RIT2: variants seen among roughly 807,000 people sequenced by gnomAD.
RIT2 encodes the protein GTP-binding protein Rit2.
Under a neutral mutation model 23.7 loss-of-function variants are expected in RIT2, and 24 were observed. That is an observed-to-expected ratio of 1.01 (90% CI 0.73 to 1.43). The LOEUF is 1.43. Ranked by LOEUF, RIT2 falls within the 40% of genes most tolerant of loss-of-function variation. RIT2 has a pLI of 0.00. For synonymous variants in RIT2, 107 were observed against 91.1 expected (o/e 1.17, Z -0.99); for missense variants, 236 against 266.9 (o/e 0.88, Z 0.81).
intron 4 of RIT2, among the ~76,000 whole-genome samples, chr18:42,884,414 C>T (rs1235701370): frequency 6.6e-6 from 1 of 152,148 alleles, no homozygotes; most frequent in African/African-American, 2.4e-5. Flanking sequence ...ACACATAACC[C>T]TAAAATAAGC....
chr18:42,910,979 A>G (rs2144118779), intron 4 of RIT2, among the ~76,000 whole-genome samples: 1 of 152,288 alleles, frequency 6.6e-6, no homozygotes, highest in Admixed American at 6.5e-5. Context: ...CATCTACAGC[A>G]GAATACATAT....
chr18:43,041,330 T>A (rs1397507810), intron 1 of RIT2, among the ~76,000 whole-genome samples: 16 of 152,140 alleles, frequency 1.1e-4, no homozygotes, highest in African/African-American at 3.9e-4. Context: ...CAATAGCCCT[T>A]TGCTTTAACT....
At chr18:43,026,516 T>G (rs1231777702) in intron 2 of RIT2, among the ~76,000 whole-genome samples, 1 of 146,064 alleles carries the variant, frequency 6.8e-6, no homozygotes, top group Non-Finnish European at 1.5e-5. Flanking sequence ...ATCACACCAT[T>G]GCACTCCAGC....
At chr18:42,837,137 C>CTTTT (rs1182682879) in intron 4 of RIT2, among the ~76,000 whole-genome samples, 2 of 38,952 alleles carry the variant, frequency 5.1e-5, no homozygotes, top group African/African-American at 7.3e-5. Context: ...ATAAAAATTT[C>CTTTT]TTTTTTTTTC....
In RIT2 at chr18:43,033,820, G is replaced by A; in HGVS notation, c.151C>T (p.Pro51Ser). The A allele has an allele frequency of 6.2e-7, 1 of 1,607,030 alleles. No individual in the cohort carries two copies. Among genetic ancestry groups the A allele is most frequent in the Non-Finnish European group, 8.5e-7 (1 of 1,174,234 alleles). The change falls in exon 2 of 5, where the codon CCT (proline) becomes TCT (serine). Residue 51 changes from proline (P) to serine (S), a missense_variant. By Grantham distance (74) the Pro-to-Ser change is moderately conservative. Transcript: ENST00000326695. ...ISHQFPDYHD[P>S]TIEDAYKTQV... The stretch of plus-strand genomic sequence containing the variant: ...GGAAGCTTCCACTTACCTATAGTAG[G>A]GTCATGATAATCAGGGAACTGATGA...
intron 4 of RIT2, among the ~76,000 whole-genome samples, chr18:42,846,836 A>G (rs1906922528): frequency 6.6e-6 from 1 of 152,156 alleles, no homozygotes; most frequent in Non-Finnish European, 1.5e-5. Flanking sequence ...TTCAATTTTA[A>G]TGTTAAAACT....
At chr18:43,010,666 G>A (rs943761934) in intron 2 of RIT2, among the ~76,000 whole-genome samples, 17 of 151,816 alleles carry the variant, frequency 1.1e-4, no homozygotes, top group African/African-American at 4.1e-4. Flanking sequence ...TAGTCATCAG[G>A]CATCTTGGTT....
At chr18:43,042,675 G>A (rs1316581181) in intron 1 of RIT2, among the ~76,000 whole-genome samples, 3 of 152,166 alleles carry the variant, frequency 2.0e-5, no homozygotes, top group Non-Finnish European at 4.4e-5. Flanking sequence ...TGTGTCAGAC[G>A]CTGTTTAGAT....
chr18:42,982,816 T>C (rs553300914), intron 2 of RIT2, among the ~76,000 whole-genome samples: 1 of 152,076 alleles, frequency 6.6e-6, no homozygotes, highest in Admixed American at 6.6e-5. Flanking sequence ...CTAAAAATTA[T>C]ACAATACTAA....
intron 1 of RIT2, among the ~76,000 whole-genome samples, chr18:43,088,731 GC>G (rs1441619595): frequency 3.3e-5 from 5 of 151,992 alleles, no homozygotes; most frequent in Non-Finnish European, 7.4e-5. Context: ...ATTCCACTTT[GC>G]TTGGATTGTT....
chr18:43,095,045 A>G (rs949987256), intron 1 of RIT2, among the ~76,000 whole-genome samples: 1 of 152,098 alleles, frequency 6.6e-6, no homozygotes, highest in Non-Finnish European at 1.5e-5. Flanking sequence ...TCTTTATAGT[A>G]GCATGATTTA....
At chr18:43,042,222 A>G (rs1253236886) in intron 1 of RIT2, among the ~76,000 whole-genome samples, 1 of 152,110 alleles carries the variant, frequency 6.6e-6, no homozygotes, top group Non-Finnish European at 1.5e-5. Context: ...CTCTGACTTA[A>G]TTTTCTCGTC....
intron 1 of RIT2, among the ~76,000 whole-genome samples, chr18:43,064,996 T>G: frequency 6.6e-6 from 1 of 151,710 alleles, no homozygotes; most frequent in East Asian, 1.9e-4. Context: ...TTTCTATTTT[T>G]TTTAGTAGAG....
At chr18:42,986,852 AT>A (rs1555650686) in intron 2 of RIT2, among the ~76,000 whole-genome samples, 2 of 152,162 alleles carry the variant, frequency 1.3e-5, no homozygotes, top group Non-Finnish European at 1.5e-5. Context: ...ATTTTAGTAA[AT>A]AAACTTAAAG....
In RIT2 at chr18:42,818,099, A is replaced by C. The variant is rs17712422; in HGVS notation, c.427-74379T>G. Among the ~76,000 whole-genome samples, 470 of 152,168 alleles carry C rather than the reference A, an allele frequency of 3.1e-3. 8 individuals carry two copies. The highest frequency in any genetic ancestry group is 9.4e-3 in the Admixed American group (143 of 15,260). On this transcript the variant is annotated intron_variant, in intron 4 of 4. Coordinates refer to ENST00000326695, the MANE Select transcript of RIT2 (RefSeq NM_002930.4). ...AAAAGAGTAATCATGTCTACTAATA[A>C]AACATCTACTTAATATGCTTAATTG...
intron 1 of RIT2, among the ~76,000 whole-genome samples, chr18:43,097,993 C>G (rs917659750): frequency 1.3e-5 from 2 of 151,890 alleles, no homozygotes; most frequent in African/African-American, 2.4e-5. Flanking sequence ...TAGATATTAG[C>G]TGGTGTAGCT....
intron 2 of RIT2, among the ~76,000 whole-genome samples, chr18:43,007,259 AG>A (rs1168939473): frequency 2.6e-5 from 4 of 151,710 alleles, no homozygotes; most frequent in Non-Finnish European, 5.9e-5. Flanking sequence ...AGACTATATG[AG>A]GGAGAGGATG....
At chr18:42,980,602 G>T (rs1910577441) in intron 2 of RIT2, among the ~76,000 whole-genome samples, 1 of 152,128 alleles carries the variant, frequency 6.6e-6, no homozygotes, top group South Asian at 2.1e-4. Flanking sequence ...TTTCTGTGGT[G>T]TTTGCAGGCA....
At chr18:43,072,402 A>C (rs1235545935) in intron 1 of RIT2, among the ~76,000 whole-genome samples, 1 of 152,210 alleles carries the variant, frequency 6.6e-6, no homozygotes, top group African/African-American at 2.4e-5. Context: ...CAGAGTTAAT[A>C]ATCAGCCAGG....
Sources: allele counts gnomAD v4.1 joint callset (sites outside exome capture counted in the v4.1 genomes callset), GRCh38; gene constraint gnomAD v4.1.1; transcripts MANE v1.5; gene names NCBI Gene and HGNC (gene_info 2026-07-23, HGNC 2026-07-21).